The following IGSF21 variants were observed in gnomAD, a reference collection of about 807,000 sequenced individuals.
The protein encoded by IGSF21 is immunoglobin superfamily member 21.
In IGSF21, 28 loss-of-function variants were observed where a neutral mutation model predicts 46.8. The observed-to-expected ratio is 0.60, with a 90% CI of 0.44 to 0.82. The LOEUF is 0.82. Ranked by LOEUF, IGSF21 falls within the 40% of genes least tolerant of loss-of-function variation. The probability of loss-of-function intolerance (pLI) is 0.00; values close to 1 mark genes in which losing one functional copy is unlikely to be tolerated. For missense variants in IGSF21, 624 were observed against 665.5 expected (o/e 0.94, Z 0.69); for synonymous variants, 284 against 273.6 (o/e 1.04, Z -0.38).
intron 1 of IGSF21, among the ~76,000 whole-genome samples, chr1:18,137,062 G>A (rs150738958): frequency 2.7e-3 from 412 of 152,126 alleles, no homozygotes; most frequent in African/African-American, 9.5e-3. Context: ...TAATTGGCTC[G>A]TGGTTCTGCG....
intron 1 of IGSF21, chr1:18,112,410 T>C (rs543107239): frequency 6.6e-6 from 1 of 152,306 alleles, no homozygotes; most frequent in African/African-American, 2.4e-5. Context: ...CTATTATCTC[T>C]CTCTGGCCCT....
intron 1 of IGSF21, among the ~76,000 whole-genome samples, chr1:18,133,662 C>A (rs560598407): frequency 6.6e-6 from 1 of 152,246 alleles, no homozygotes. Flanking sequence ...CCCCATGGCA[C>A]GGAGCTCAGA....
chr1:18,158,635 G>T (rs891690741), intron 1 of IGSF21, among the ~76,000 whole-genome samples: 3 of 152,146 alleles, frequency 2.0e-5, no homozygotes, highest in African/African-American at 7.2e-5. Flanking sequence ...GAGCTCCTGT[G>T]TCTTTCAATC....
intron 1 of IGSF21, among the ~76,000 whole-genome samples, chr1:18,166,613 C>T (rs933562656): frequency 1.3e-5 from 2 of 152,140 alleles, no homozygotes; most frequent in African/African-American, 2.4e-5. Context: ...GCAACCATTG[C>T]GATTTTCTTT....
At chr1:18,210,406 T>C (rs1469512148) in intron 1 of IGSF21, among the ~76,000 whole-genome samples, 1 of 152,214 alleles carries the variant, frequency 6.6e-6, no homozygotes, top group Non-Finnish European at 1.5e-5. Context: ...GATGCTCCCA[T>C]GGAGTGAGTG....
chr1:18,290,302 G>A lies in IGSF21; in HGVS notation c.184-1564G>A, dbSNP rs540343782. Among the ~76,000 whole-genome samples, 2 of 152,288 alleles carry A rather than the reference G, an allele frequency of 1.3e-5. No individual in the cohort carries two copies. Among genetic ancestry groups the A allele is most frequent in the East Asian group, 1.9e-4 (1 of 5,190 alleles). On this transcript the variant is annotated intron_variant, in intron 2 of 9. Transcript: ENST00000251296. This position sits in a 1 kb window ranked among gnomAD's most constrained non-coding sequence, Gnocchi z 4.2. ...TCCCCTCTGCACATGGTCAGAAAGC[G>A]CCAAGCCCTCAGAGGGGAAGAAAGT...
chr1:18,200,586 T>C (rs1376125187), intron 1 of IGSF21, among the ~76,000 whole-genome samples: 2 of 152,224 alleles, frequency 1.3e-5, no homozygotes, highest in Admixed American at 1.3e-4. Context: ...TGTCTGCTTC[T>C]GTGTCCAAAT....
At chr1:18,183,728 C>T (rs1317625275) in intron 1 of IGSF21, among the ~76,000 whole-genome samples, 1 of 152,136 alleles carries the variant, frequency 6.6e-6, no homozygotes, top group Admixed American at 6.5e-5. Flanking sequence ...GGCTTGGCTC[C>T]AGATGGTGGG....
chr1:18,221,587 C>A (rs1034807507), intron 1 of IGSF21, among the ~76,000 whole-genome samples: 1 of 152,066 alleles, frequency 6.6e-6, no homozygotes, highest in Admixed American at 6.5e-5. Context: ...ATATTGCCCG[C>A]GATTTTGCTA....
intron 2 of IGSF21, among the ~76,000 whole-genome samples, chr1:18,231,960 T>TGTGG (rs762060507): frequency 6.7e-6 from 1 of 149,238 alleles, no homozygotes; most frequent in Admixed American, 6.7e-5. Flanking sequence ...TGTGTGTGTG[T>TGTGG]GGTGAGGGAG....
intron 2 of IGSF21, among the ~76,000 whole-genome samples, chr1:18,230,140 C>T (rs2084609645): frequency 6.6e-6 from 1 of 152,206 alleles, no homozygotes; most frequent in Non-Finnish European, 1.5e-5. Flanking sequence ...AATGCTAGTG[C>T]CAGGCTGTGC....
chr1:18,188,238 A>G (rs1322752376), intron 1 of IGSF21, among the ~76,000 whole-genome samples: 5 of 152,238 alleles, frequency 3.3e-5, no homozygotes, highest in African/African-American at 1.2e-4. Flanking sequence ...TCTCCCAGCC[A>G]TGAAATATCC....
At chr1:18,113,354 A>G (rs1400918465) in intron 1 of IGSF21, 2 of 152,102 alleles carry the variant, frequency 1.3e-5, no homozygotes, top group East Asian at 3.9e-4. Context: ...CTAAGATTCC[A>G]TGGATGGAGC....
At position 18,266,935 on chromosome 1, in the gene IGSF21, A is replaced by T. The variant is rs116694377; in HGVS notation, c.184-24931A>T. 9.1e-3 allele frequency among the ~76,000 whole-genome samples: 1,384 copies of T among 152,288 alleles called. 24 individuals are homozygous for T. The highest frequency in any genetic ancestry group is 0.028 in the African/African-American group (1,164 of 41,568). ...AATCAAACTGAAAGGGAGACCCAGC[A>T]AATGGGGTCAATGAAAGCTCTCTGC... is the stretch of plus-strand genomic sequence containing the variant. On this transcript the variant is annotated intron_variant, in intron 2 of 9. Coordinates refer to ENST00000251296, the MANE Select transcript of IGSF21 (RefSeq NM_032880.5).
chr1:18,286,697 G>A (rs1306269822), intron 2 of IGSF21, among the ~76,000 whole-genome samples: 2 of 152,202 alleles, frequency 1.3e-5, no homozygotes, highest in African/African-American at 2.4e-5. Context: ...AGGCACAGCA[G>A]GCTGTCCTGG....
intron 1 of IGSF21, among the ~76,000 whole-genome samples, chr1:18,134,061 A>G (rs1041646096): frequency 1.3e-5 from 2 of 152,236 alleles, no homozygotes; most frequent in Non-Finnish European, 2.9e-5. Context: ...CTATACCTTC[A>G]GGTAGCTACA....
chr1:18,258,769 C>G (rs185031001), intron 2 of IGSF21, among the ~76,000 whole-genome samples: 6 of 152,192 alleles, frequency 3.9e-5, no homozygotes, highest in Non-Finnish European at 8.8e-5. Flanking sequence ...TCCATGTGAT[C>G]TTGTGAGAAT....
Position 18,290,362 on chromosome 1 carries a change from T to A in IGSF21, c.184-1504T>A, listed in dbSNP as rs757938568. ...ACATGTCGCTAAGTCCCGACAGAGA[T>A]AGGAGGGGTGTGGGCTTACGGAGGG... On this transcript the variant is annotated intron_variant, in intron 2 of 9. Transcript: ENST00000251296. This position sits in a 1 kb window ranked among gnomAD's most constrained non-coding sequence, Gnocchi z 4.2. Among the ~76,000 whole-genome samples, 1 of 152,060 alleles carries A rather than the reference T, an allele frequency of 6.6e-6. No individual in the cohort carries two copies. Among genetic ancestry groups the A allele is most frequent in the Non-Finnish European group, 1.5e-5 (1 of 68,016 alleles).
intron 3 of IGSF21, among the ~76,000 whole-genome samples, chr1:18,331,150 G>A (rs2085708681): frequency 6.6e-6 from 1 of 152,116 alleles, no homozygotes; most frequent in African/African-American, 2.4e-5. Flanking sequence ...TGGGGAACAG[G>A]TAGTGTTTGG....
Sources: gnomAD v4.1 joint callset for allele counts (sites outside exome capture counted in the v4.1 genomes callset) on GRCh38, gnomAD v4.1.1 for gene constraint, Gnocchi (gnomAD v3.1) non-coding constraint, MANE v1.5 for transcripts, NCBI Gene and HGNC (gene_info 2026-07-23, HGNC 2026-07-21) for gene names.